PRR5: variants seen among roughly 807,000 people sequenced by gnomAD.
PRR5 encodes the protein proline-rich protein 5.
PRR5 carries 25 observed loss-of-function variants against 30.6 expected under a neutral mutation model. That is an observed-to-expected ratio of 0.82 (90% CI 0.60 to 1.14). PRR5 has a LOEUF of 1.14. PRR5 is among the 50% of genes most tolerant of loss of function. The pLI, the probability that PRR5 is intolerant of heterozygous loss-of-function variation, is 0.00. For synonymous variants in PRR5, 286 were observed against 247.1 expected, an observed-to-expected ratio of 1.16 and a Z score of -1.48; for missense variants, 600 against 547.1, an observed-to-expected ratio of 1.10 and a Z score of -0.96.
Position 44,737,365 on chromosome 22 carries a change from T to G in PRR5, c.*118T>G, listed in dbSNP as rs1923479024. The G allele has an allele frequency of 1.4e-6, 2 of 1,432,938 alleles. No homozygotes were observed. Among genetic ancestry groups the G allele is most frequent in the Non-Finnish European group, 1.8e-6 (2 of 1,091,660 alleles). 88.8% of individuals were successfully genotyped at this position (1,432,938 alleles called of 1,614,324 possible). ...TCCCGTCCCGCCAGCCCTATCGGCC[T>G]CGTCACTGGCCTTGGTCACTTTGTA... On this transcript the variant is annotated 3_prime_UTR_variant, in exon 8 of 8. Transcript: ENST00000336985.
At chr22:44,705,972 G>T (rs1183256959) in intron 1 of PRR5, among the ~76,000 whole-genome samples, 17 of 151,976 alleles carry the variant, frequency 1.1e-4, no homozygotes, top group Admixed American at 3.9e-4. Flanking sequence ...GCTAATTTTT[G>T]TATTTTTAGT....
At chr22:44,692,203 A>AGGG in intron 1 of PRR5, among the ~76,000 whole-genome samples, 1 of 108,118 alleles carries the variant, frequency 9.2e-6, no homozygotes, top group South Asian at 3.4e-4. Context: ...TCCTCCTCCC[A>AGGG]CGCTCCTCCA....
chr22:44,699,439 T>C (rs1252256061), upstream of PRR5, among the ~76,000 whole-genome samples: 1 of 152,260 alleles, frequency 6.6e-6, no homozygotes, highest in Non-Finnish European at 1.5e-5. Flanking sequence ...GCGGTTCTGC[T>C]TTGCTGCGTT....
chr22:44,687,935 T>G (rs377602741), intron 1 of PRR5, among the ~76,000 whole-genome samples: 1 of 151,732 alleles, frequency 6.6e-6, no homozygotes, highest in East Asian at 2.0e-4. Flanking sequence ...CCACCACACC[T>G]GGCTAATTTT....
rs1171161114 is a variant in PRR5 at position 44,691,343 on chromosome 22, G to A, written c.-10-11149G>A. Among the ~76,000 whole-genome samples the A allele has an allele frequency of 6.6e-6, 1 of 152,190 alleles. No homozygotes were observed. The highest frequency in any genetic ancestry group is 1.5e-5 in the Non-Finnish European group (1 of 68,032). On this transcript the variant is annotated intron_variant, in intron 1 of 8. Transcript: ENST00000006251. The surrounding 1 kb of genome is among the most constrained non-coding windows in gnomAD (Gnocchi z 4.4). ...TCCATGTCCACCTCGGTGGCACGGAGAGGAGGCTACCCAGCTGGAGGGGTT... is the reference window on the plus strand; with the variant it reads ...TCCATGTCCACCTCGGTGGCACGGAAAGGAGGCTACCCAGCTGGAGGGGTT...
chr22:44,730,945 A>C, intron 4 of PRR5: 1 of 453,058 alleles, frequency 2.2e-6, no homozygotes, highest in Non-Finnish European at 4.6e-6. Flanking sequence ...CATGTGATGG[A>C]TGGGCAGCTG....
At position 44,731,730 on chromosome 22, in the gene PRR5, G is replaced by A. The variant is rs777920397; in HGVS notation, c.323G>A (p.Gly108Glu). The A allele has an allele frequency of 6.2e-7, 1 of 1,613,746 alleles. No individual in the cohort carries two copies. Among genetic ancestry groups the A allele is most frequent in the Non-Finnish European group, 8.5e-7 (1 of 1,179,996 alleles). ...ILRDKIRFYE[G>E]QKLLDSLAET... ...GTGGTGATGGCCCCCATGCCCACAG[G>A]ACAGAAGCTGCTGGACTCACTGGCA... Residue 108 changes from glycine (G) to glutamate (E), a missense_variant and splice_region_variant, in exon 5 of 8, where the codon GGA (glycine) becomes GAA (glutamate). Transcript: ENST00000336985.
chr22:44,680,707 G>A lies in PRR5; in HGVS notation c.-11+3467G>A, dbSNP rs1924196861. Among the ~76,000 whole-genome samples, 4 of 151,772 alleles carry A rather than the reference G, an allele frequency of 2.6e-5. No individual in the cohort carries two copies. In the South Asian group the frequency reaches 6.2e-4, roughly 24 times the overall value. ...AGATCCCCTGGTTGGGAGAGTAGGG[G>A]ACGGACATCTGGCCTGAGACCCCCC... On this transcript the variant is annotated intron_variant, in intron 1 of 8. Coordinates refer to the PRR5 transcript ENST00000006251.
Position 44,736,880 on chromosome 22 carries a change from A to G in PRR5, c.800A>G (p.Glu267Gly), listed in dbSNP as rs777881209. The G allele has an allele frequency of 1.5e-5, 24 of 1,609,752 alleles. No individual in the cohort carries two copies. Among genetic ancestry groups the G allele is most frequent in the Non-Finnish European group, 2.0e-5 (24 of 1,178,566 alleles). Reference sequence around the variant, plus strand: ...CTGCTGAACCCCGTGCAGGAGCACGAGGCGGAGGGCGCGGCGGCCGGCGGT... The same window carrying G: ...CTGCTGAACCCCGTGCAGGAGCACGGGGCGGAGGGCGCGGCGGCCGGCGGT... ...TPLLNPVQEHEAEGAAAGGTS... is the reference protein window; with the variant it reads ...TPLLNPVQEHGAEGAAAGGTS... The change falls in exon 8 of 8, where the codon GAG (glutamate) becomes GGG (glycine). Residue 267 changes from glutamate (E) to glycine (G), a missense_variant. Glu to Gly is a moderately conservative substitution (Grantham distance 98). Transcript: ENST00000336985.
At chr22:44,714,470 G>T in intron 1 of PRR5, 121 bp from the exon 2 acceptor site, 8 of 1,374,642 alleles carry the variant, frequency 5.8e-6, no homozygotes, top group Non-Finnish European at 8.0e-6. Context: ...GTGTGAGCAG[G>T]GTCCTGCAGG....
chr22:44,730,346 C>G (rs1921720247), intron 4 of PRR5: 1 of 985,004 alleles, frequency 1.0e-6, no homozygotes, highest in Admixed American at 6.1e-5. Flanking sequence ...CGTCTGGCTT[C>G]CAGGGGACAG....
chr22:44,698,376 T>C (rs1369371474), upstream of PRR5, among the ~76,000 whole-genome samples: 1 of 151,106 alleles, frequency 6.6e-6, no homozygotes, highest in East Asian at 1.9e-4. Flanking sequence ...CAGAGGTGGC[T>C]CTGGTGGCTT....
intron 4 of PRR5, chr22:44,729,906 G>T (rs190337746): frequency 1.0e-6 from 1 of 985,482 alleles, no homozygotes; most frequent in African/African-American, 1.7e-5. Context: ...TTCCTGCCGC[G>T]GCGGAGGGGG....
intron 5 of PRR5, 101 bp downstream of exon 5, chr22:44,731,922 CCTGCT>C: frequency 8.1e-7 from 1 of 1,232,972 alleles, no homozygotes. Flanking sequence ...GACACACACA[CCTGCT>C]CTGCTCTGTG....
chr22:44,688,613 G>A (rs6007242), intron 1 of PRR5, among the ~76,000 whole-genome samples: 110,794 of 152,018 alleles, frequency 0.73, 40,631 homozygotes, highest in African/African-American at 0.79. Flanking sequence ...AGGCAGGGAG[G>A]CTGTCACTCC....
chr22:44,730,616 AC>A (rs1921773361), intron 4 of PRR5: 1 of 998,056 alleles, frequency 1.0e-6, no homozygotes, highest in Non-Finnish European at 1.2e-6. Context: ...TCAGAGACTC[AC>A]CTGTCAAGAT....
rs34868054 is a variant in PRR5, at chr22:44,718,192, C to CTTTTTTTTTTTTT, written c.215+3529_215+3541dup. Among the ~76,000 whole-genome samples, 46 of 94,576 alleles carry CTTTTTTTTTTTTT rather than the reference C, an allele frequency of 4.9e-4. 4 individuals carry two copies. Among genetic ancestry groups the CTTTTTTTTTTTTT allele is most frequent in the African/African-American group, 8.1e-4 (19 of 23,506 alleles). The allele number at this position is 94,576 out of a possible 152,430, so 62.0% of individuals were successfully genotyped here. On this transcript the variant is annotated intron_variant, in intron 2 of 7. Coordinates refer to ENST00000336985, the MANE Select transcript of PRR5 (RefSeq NM_181333.4). ...TGTGTGGATGCACGTTTTCATCTCT[C>CTTTTTTTTTTTTT]TTTTTTTTTTTTTTTTTTTTGAGAC...
intron 1 of PRR5, among the ~76,000 whole-genome samples, chr22:44,684,496 G>C (rs1035002454): frequency 6.6e-6 from 1 of 152,176 alleles, no homozygotes; most frequent in Admixed American, 6.5e-5. Flanking sequence ...GCAGTGAGCC[G>C]AGATCGCGCC....
intron 1 of PRR5, among the ~76,000 whole-genome samples, chr22:44,693,355 G>A (rs5765904): frequency 6.6e-6 from 1 of 152,120 alleles, no homozygotes; most frequent in African/African-American, 2.4e-5. Flanking sequence ...CTAGCTACCA[G>A]GGAGGCTGTG....
Sources: gnomAD v4.1 joint callset for allele counts (sites outside exome capture counted in the v4.1 genomes callset) on GRCh38, gnomAD v4.1.1 for gene constraint, Gnocchi (gnomAD v3.1) non-coding constraint, MANE v1.5 for transcripts, NCBI Gene and HGNC (gene_info 2026-07-23, HGNC 2026-07-21) for gene names.